The following CLVS1 variants were observed in gnomAD, a reference collection of about 807,000 sequenced individuals.
CLVS1 encodes the protein clavesin-1.
Under a neutral mutation model 33.1 loss-of-function variants are expected in CLVS1, and 10 were observed. That is an observed-to-expected ratio of 0.30 (90% confidence interval 0.19 to 0.51). CLVS1 has a LOEUF of 0.51. CLVS1 is among the 20% of genes least tolerant of loss of function. The pLI is 0.97. For missense variants in CLVS1, 343 were observed against 433.4 expected, an observed-to-expected ratio of 0.79 and a Z score of 1.85; for synonymous variants, 163 against 166.1, an observed-to-expected ratio of 0.98 and a Z score of 0.14.
chr8:61,496,335 G>A (rs1048517810), intron 5 of CLVS1, among the ~76,000 whole-genome samples: 145 of 152,336 alleles, frequency 9.5e-4, no homozygotes, highest in African/African-American at 3.1e-3. Flanking sequence ...GAAGGCAGCT[G>A]TCCAAGGTGC....
chr8:61,497,563 T>C (rs1804311763), intron 5 of CLVS1, among the ~76,000 whole-genome samples: 1 of 152,002 alleles, frequency 6.6e-6, no homozygotes, highest in Admixed American at 6.6e-5. Context: ...TACTCAAAGT[T>C]AGTCTTTGGG....
At chr8:61,433,762 AAAT>A (rs1816202832) in intron 3 of CLVS1, among the ~76,000 whole-genome samples, 1 of 151,950 alleles carries the variant, frequency 6.6e-6, no homozygotes, top group African/African-American at 2.4e-5. Flanking sequence ...AAAAATACAA[AAAT>A]TAGCCAGGTG....
intron 5 of CLVS1, among the ~76,000 whole-genome samples, chr8:61,485,045 T>A (rs1282941504): frequency 5.9e-5 from 9 of 152,152 alleles, no homozygotes; most frequent in South Asian, 2.1e-4. Flanking sequence ...CAAGGACTTC[T>A]TGACTAAAAC....
chr8:61,331,535 A>G (rs533002024), intron 2 of CLVS1, among the ~76,000 whole-genome samples: 73 of 151,536 alleles, frequency 4.8e-4, no homozygotes, highest in African/African-American at 1.7e-3. Flanking sequence ...CCCAATTAAA[A>G]AAAAAAAACT....
chr8:61,187,201 T>C (rs1563436570), intron 2 of CLVS1, among the ~76,000 whole-genome samples: 1 of 152,134 alleles, frequency 6.6e-6, no homozygotes, highest in Non-Finnish European at 1.5e-5. Flanking sequence ...ACATTTGAAC[T>C]GGGTCATAAA....
the CLVS1 span, among the ~76,000 whole-genome samples, chr8:61,032,180 G>A: frequency 3.9e-5 from 6 of 152,328 alleles, no homozygotes; most frequent in Admixed American, 3.3e-4. Context: ...CTTGGAAAGA[G>A]CTGCTTCTAT....
chr8:61,270,850 C>T (rs1192170064), intron 2 of CLVS1, among the ~76,000 whole-genome samples: 10 of 152,100 alleles, frequency 6.6e-5, no homozygotes, highest in Non-Finnish European at 1.0e-4. Context: ...TCTGTGGGAT[C>T]GGTGGTGATA....
At chr8:61,289,614 GAA>G (rs1386368067) in intron 1 of CLVS1, among the ~76,000 whole-genome samples, 3 of 152,170 alleles carry the variant, frequency 2.0e-5, no homozygotes, top group African/African-American at 7.2e-5. Context: ...CACATGATAA[GAA>G]AGTTTAAACC....
chr8:61,321,885 C>T (rs1302211386), intron 2 of CLVS1, among the ~76,000 whole-genome samples: 1 of 152,096 alleles, frequency 6.6e-6, no homozygotes, highest in Non-Finnish European at 1.5e-5. Context: ...TTACCTTGAC[C>T]ACTCAAGTTA....
At chr8:61,366,696 G>T (rs1226362490) in intron 2 of CLVS1, among the ~76,000 whole-genome samples, 1 of 152,170 alleles carries the variant, frequency 6.6e-6, no homozygotes, top group African/African-American at 2.4e-5. Context: ...GATTGCCAGG[G>T]ATTCAAAGGC....
the CLVS1 span, among the ~76,000 whole-genome samples, chr8:61,022,422 T>C: frequency 6.6e-6 from 1 of 152,256 alleles, no homozygotes; most frequent in African/African-American, 2.4e-5. Flanking sequence ...TTGTGGTTTT[T>C]TCCCTAGGTT....
At chr8:61,428,385 T>C (rs1249858053) in intron 3 of CLVS1, among the ~76,000 whole-genome samples, 1 of 152,176 alleles carries the variant, frequency 6.6e-6, no homozygotes, top group Non-Finnish European at 1.5e-5. Flanking sequence ...AATAAAACTT[T>C]TATCTTGAGC....
At chr8:61,368,563 T>C (rs1277004964) in intron 2 of CLVS1, among the ~76,000 whole-genome samples, 1 of 152,158 alleles carries the variant, frequency 6.6e-6, no homozygotes, top group Middle Eastern at 3.2e-3. Context: ...CCCCAAACTC[T>C]CTCCATATAT....
intron 2 of CLVS1, among the ~76,000 whole-genome samples, chr8:61,371,470 C>T (rs958729571): frequency 2.7e-4 from 41 of 152,150 alleles, no homozygotes; most frequent in African/African-American, 9.2e-4. Context: ...TGCTGCAGCA[C>T]AAAAAATTAG....
intron 3 of CLVS1, among the ~76,000 whole-genome samples, chr8:61,409,413 T>A (rs373862333): frequency 3.9e-5 from 6 of 152,200 alleles, no homozygotes; most frequent in African/African-American, 1.4e-4. Flanking sequence ...AAACAGTATG[T>A]CTTAAGGATT....
intron 1 of CLVS1, among the ~76,000 whole-genome samples, chr8:61,108,670 AT>A (rs1246277797): frequency 3.3e-5 from 5 of 152,296 alleles, no homozygotes; most frequent in Admixed American, 6.5e-5. Context: ...AAGGGTTGGT[AT>A]TTCATCCTGA....
chr8:61,108,848 G>A (rs1397120362), intron 1 of CLVS1, among the ~76,000 whole-genome samples: 1 of 152,170 alleles, frequency 6.6e-6, no homozygotes, highest in South Asian at 2.1e-4. Flanking sequence ...GGGGCCTGAG[G>A]GTATTCTCAG....
intron 1 of CLVS1, among the ~76,000 whole-genome samples, chr8:61,084,037 TC>T (rs1377852615): frequency 1.3e-5 from 2 of 152,154 alleles, no homozygotes; most frequent in African/African-American, 4.8e-5. Flanking sequence ...TAAAATGTAT[TC>T]CCCTTTATGC....
intron 2 of CLVS1, among the ~76,000 whole-genome samples, chr8:61,368,250 T>C (rs1813294455): frequency 6.6e-6 from 1 of 152,168 alleles, no homozygotes; most frequent in African/African-American, 2.4e-5. Flanking sequence ...AATGAAAAAA[T>C]ATCCAGGCAG....
Sources: gnomAD v4.1 joint callset for allele counts (sites outside exome capture counted in the v4.1 genomes callset) on GRCh38, gnomAD v4.1.1 for gene constraint, MANE v1.5 for transcripts, NCBI Gene and HGNC (gene_info 2026-07-23, HGNC 2026-07-21) for gene names.